The following PDZRN4 variants were observed in gnomAD, a reference collection of about 807,000 sequenced individuals.
PDZRN4 encodes the protein PDZ domain-containing RING finger protein 4.
Under a neutral mutation model 99.0 loss-of-function variants are expected in PDZRN4, and 70 were observed. The ratio of observed to expected loss-of-function variants is 0.71; its 90% CI spans 0.58 to 0.86. PDZRN4 has a LOEUF of 0.86. Ranked by LOEUF, PDZRN4 falls within the 40% of genes least tolerant of loss-of-function variation. The probability of loss-of-function intolerance (pLI) is 0.00; values close to 1 mark genes in which losing one functional copy is unlikely to be tolerated. For synonymous variants in PDZRN4, 551 were observed against 501.6 expected, an observed-to-expected ratio of 1.10 and a Z score of -1.32; for missense variants, 1,474 against 1,331.2, an observed-to-expected ratio of 1.11 and a Z score of -1.67.
intron 5 of PDZRN4, among the ~76,000 whole-genome samples, chr12:41,526,759 C>G (rs1944236796): frequency 6.6e-6 from 1 of 152,172 alleles, no homozygotes; most frequent in African/African-American, 2.4e-5. Context: ...CTTATGCATA[C>G]AAACACAGAT....
In PDZRN4 at chr12:41,567,765, T is replaced by C. The variant is rs926903422; in HGVS notation, c.1468-18T>C. ...TTCTCACTAACATAATATAATGTAC[T>C]AATGTATTCTTTTGCAGCTGGATGA... On this transcript the variant is annotated intron_variant, in intron 8 of 9. Transcript: ENST00000402685. 1 of 1,494,766 alleles carries C rather than the reference T, an allele frequency of 6.7e-7. No individual in the cohort carries two copies. The highest frequency in any genetic ancestry group is 1.7e-5 in the Admixed American group (1 of 58,968). 92.6% of individuals were successfully genotyped at this position (1,494,766 alleles called of 1,614,324 possible).
chr12:41,249,535 G>A (rs953904386), intron 3 of PDZRN4, among the ~76,000 whole-genome samples: 1 of 152,168 alleles, frequency 6.6e-6, no homozygotes, highest in African/African-American at 2.4e-5. Flanking sequence ...GTACCTGAAT[G>A]AATGGCTTTG....
At chr12:41,449,493 CATA>C (rs1952757079) in intron 3 of PDZRN4, among the ~76,000 whole-genome samples, 1 of 152,062 alleles carries the variant, frequency 6.6e-6, no homozygotes, top group African/African-American at 2.4e-5. Context: ...GACACAATAG[CATA>C]ATAAGATGGG....
At chr12:41,354,235 G>T (rs1055813443) in intron 3 of PDZRN4, among the ~76,000 whole-genome samples, 9 of 152,038 alleles carry the variant, frequency 5.9e-5, no homozygotes, top group African/African-American at 1.9e-4. Flanking sequence ...TAAGCAAATG[G>T]GTTATTGCAC....
intron 3 of PDZRN4, among the ~76,000 whole-genome samples, chr12:41,299,746 G>A (rs1951521513): frequency 6.6e-6 from 1 of 151,818 alleles, no homozygotes; most frequent in Admixed American, 6.6e-5. Flanking sequence ...ATATTTCACT[G>A]TGTATTTGTG....
intron 5 of PDZRN4, among the ~76,000 whole-genome samples, chr12:41,520,516 T>C (rs1431042086): frequency 6.6e-6 from 1 of 151,996 alleles, no homozygotes; most frequent in African/African-American, 2.4e-5. Context: ...TTTCAGAAAG[T>C]TGTTTTGTTC....
chr12:41,365,063 T>G (rs1399460521), intron 3 of PDZRN4, among the ~76,000 whole-genome samples: 1 of 152,152 alleles, frequency 6.6e-6, no homozygotes, highest in Non-Finnish European at 1.5e-5. Context: ...CAGTTGCACC[T>G]CATTTGAATT....
chr12:41,362,228 A>G (rs567135686), intron 3 of PDZRN4, among the ~76,000 whole-genome samples: 1 of 151,742 alleles, frequency 6.6e-6, no homozygotes, highest in African/African-American at 2.4e-5. Context: ...TAGAGCCCAG[A>G]CTCCTCCACC....
chr12:41,398,449 A>C (rs376800504), intron 3 of PDZRN4, among the ~76,000 whole-genome samples: 158 of 152,222 alleles, frequency 1.0e-3, no homozygotes, highest in African/African-American at 3.7e-3. Flanking sequence ...AGAAGTAGGA[A>C]GGAAAAGACC....
At chr12:41,206,535 A>C (rs945684245) in intron 3 of PDZRN4, among the ~76,000 whole-genome samples, 1 of 150,654 alleles carries the variant, frequency 6.6e-6, no homozygotes, top group Non-Finnish European at 1.5e-5. Context: ...AAGCTTAATT[A>C]ATTAATAAAT....
chr12:41,465,793 C>A lies in PDZRN4; in HGVS notation c.844-40663C>A, dbSNP rs117861340. Among the ~76,000 whole-genome samples, 299 of 152,276 alleles carry A rather than the reference C, an allele frequency of 2.0e-3. 8 individuals are homozygous for A. The East Asian group carries it at 0.054, about 28-fold the overall frequency. On this transcript the variant is annotated intron_variant, in intron 3 of 9. Coordinates refer to ENST00000402685, the MANE Select transcript of PDZRN4 (RefSeq NM_001164595.2). ...TACTTAAGACTGTTTTAGTTTCCTG[C>A]CAACTGTTTATTTATAGAGTTTCAC... is the stretch of plus-strand genomic sequence containing the variant.
chr12:41,497,129 G>A (rs1174695759), intron 3 of PDZRN4, among the ~76,000 whole-genome samples: 1 of 152,052 alleles, frequency 6.6e-6, no homozygotes, highest in African/African-American at 2.4e-5. Flanking sequence ...ATCCTTTTGT[G>A]CTCTCATCAC....
At chr12:41,509,552 C>T in intron 4 of PDZRN4, 1 of 235,806 alleles carries the variant, frequency 4.2e-6, no homozygotes, top group Non-Finnish European at 8.3e-6. Flanking sequence ...AGAGATTTCA[C>T]ATCAGTCTTT....
chr12:41,503,944 T>A lies in PDZRN4; in HGVS notation c.844-2512T>A, dbSNP rs80150626. On this transcript the variant is annotated intron_variant, in intron 3 of 9. Coordinates refer to ENST00000402685, the MANE Select transcript of PDZRN4 (RefSeq NM_001164595.2). ...TTGATGCAAGGCTTATAAGAAAAGA[T>A]AACATGTTGACACAGTTCCAGTAGA... Among the ~76,000 whole-genome samples the A allele has an allele frequency of 8.8e-3, 1,347 of 152,260 alleles. 53 individuals are homozygous for A. The East Asian group carries it at 0.14, about 15-fold the overall frequency.
chr12:41,572,168 T>G (rs547501218), intron 9 of PDZRN4, among the ~76,000 whole-genome samples, 196 bp from the exon 10 acceptor site: 1 of 152,340 alleles, frequency 6.6e-6, no homozygotes, highest in South Asian at 2.1e-4. Context: ...GGGTTTTGTT[T>G]TCTTCATTTC....
intron 3 of PDZRN4, among the ~76,000 whole-genome samples, chr12:41,259,915 A>G (rs987633916): frequency 6.6e-6 from 1 of 152,116 alleles, no homozygotes; most frequent in Non-Finnish European, 1.5e-5. Flanking sequence ...TGTCTTTTTC[A>G]TCTATATTTC....
intron 3 of PDZRN4, among the ~76,000 whole-genome samples, chr12:41,352,272 A>G (rs969631933): frequency 1.3e-5 from 2 of 152,084 alleles, no homozygotes; most frequent in African/African-American, 4.8e-5. Flanking sequence ...AAGGAAAGAG[A>G]GAAAAGGAAG....
At chr12:41,537,969 C>T (rs973409860) in intron 5 of PDZRN4, among the ~76,000 whole-genome samples, 1 of 152,160 alleles carries the variant, frequency 6.6e-6, no homozygotes, top group Non-Finnish European at 1.5e-5. Context: ...AGCTTGGCTG[C>T]ACTCCACTGA....
At chr12:41,512,130 C>T (rs1186016975) in intron 5 of PDZRN4, among the ~76,000 whole-genome samples, 1 of 152,022 alleles carries the variant, frequency 6.6e-6, no homozygotes, top group Non-Finnish European at 1.5e-5. Context: ...CACAACCAGG[C>T]AATCAAGGAA....
Sources: allele counts gnomAD v4.1 joint callset (sites outside exome capture counted in the v4.1 genomes callset), GRCh38; gene constraint gnomAD v4.1.1; transcripts MANE v1.5; gene names NCBI Gene and HGNC (gene_info 2026-07-23, HGNC 2026-07-21).